The following TACC2 variants were observed in gnomAD, a reference collection of about 807,000 sequenced individuals.
TACC2 encodes the protein transforming acidic coiled-coil-containing protein 2.
TACC2 carries 137 observed loss-of-function variants against 227.3 expected under a neutral mutation model. That is an observed-to-expected ratio of 0.60 (90% confidence interval 0.52 to 0.69). The LOEUF (loss-of-function observed/expected upper bound fraction) is 0.69. Ranked by LOEUF, TACC2 falls within the 30% of genes least tolerant of loss-of-function variation. The probability of loss-of-function intolerance (pLI) is 0.00; values close to 1 mark genes in which losing one functional copy is unlikely to be tolerated. For synonymous variants in TACC2, 1,523 were observed against 1,487.5 expected (o/e 1.02, Z -0.55); for missense variants, 3,470 against 3,694.4 (o/e 0.94, Z 1.57).
At position 122,249,593 on chromosome 10, in the gene TACC2, G is replaced by A. The variant is rs1227277077; in HGVS notation, c.8710G>A (p.Ala2904Thr). Residue 2904 changes from alanine to threonine, a missense_variant, in exon 22 of 23, where the codon GCC becomes ACC. Ala to Thr is a moderately conservative substitution (Grantham distance 58). Coordinates refer to ENST00000369005, the MANE Select transcript of TACC2 (RefSeq NM_206862.4). ...QVRGKAQQEQ[A>T]AHQASLRKEQ... ...TCGAGGCAAGGCCCAGCAGGAGCAA[G>A]CCGCCCACCAGGCCAGCCTGCGGAA... is the stretch of plus-strand genomic sequence containing the variant. The A allele has an allele frequency of 4.3e-6, 7 of 1,614,154 alleles. No homozygotes were observed. In the South Asian group the frequency reaches 4.4e-5, roughly 10 times the overall value.
rs1438103579 is a variant in TACC2, at chr10:122,086,330, C to T, written c.3830C>T (p.Ala1277Val). 1.9e-6 allele frequency: 3 copies of T among 1,613,866 alleles called. No individual in the cohort carries two copies. The highest frequency in any genetic ancestry group is 1.6e-4 in the Middle Eastern group (1 of 6,062). The change falls in exon 4 of 23, where the codon GCC becomes GTC. Residue 1277 changes from alanine (A) to valine (V), a missense_variant. Around this residue, in one of 10 missense-constraint regions of TACC2, gnomAD observed 1,924 missense variants for 1,978.3 expected, o/e 0.97. Transcript: ENST00000369005. Reference protein sequence around the residue: ...SPCPVGEPPLALENAASLKLF... With the variant: ...SPCPVGEPPLVLENAASLKLF... ...TGTCCTGTAGGGGAGCCCCCACTTG[C>T]CTTGGAAAATGCTGCCTCCTTGAAG...
rs76101690 is a variant in TACC2, at chr10:122,242,102, C to T, written c.8392+101C>T. 14,143 of 1,097,344 alleles carry T rather than the reference C, an allele frequency of 0.013. 1,260 individuals are homozygous for T. In the East Asian group the frequency reaches 0.24, roughly 18 times the overall value. 68.0% of individuals were successfully genotyped at this position (1,097,344 alleles called of 1,614,324 possible). A position where few individuals can be genotyped will look rare whatever the true frequency, so the allele number is the denominator to read the frequency against. On this transcript the variant is annotated intron_variant, in intron 19 of 22. Coordinates refer to ENST00000369005, the MANE Select transcript of TACC2 (RefSeq NM_206862.4). ...GGCTCAGAGTGGGTTTCTGGTAGAG[C>T]GTGAAGCCTTTCAGGGAAGGACCAG...
At chr10:122,242,651 T>G (rs953325248) in intron 19 of TACC2, among the ~76,000 whole-genome samples, 18 of 152,228 alleles carry the variant, frequency 1.2e-4, no homozygotes, top group African/African-American at 4.3e-4. Flanking sequence ...TTCTTTTCTT[T>G]TCTTTTTTTT....
chr10:122,204,535 G>A (rs1342692792), intron 8 of TACC2, among the ~76,000 whole-genome samples: 1 of 152,166 alleles, frequency 6.6e-6, no homozygotes, highest in Non-Finnish European at 1.5e-5. Context: ...CAGCAAAGCA[G>A]GACAGAGAGG....
chr10:122,022,143 G>C, intron 2 of TACC2, 129 bp downstream of exon 2: 1 of 808,456 alleles, frequency 1.2e-6, no homozygotes, highest in Non-Finnish European at 2.1e-6. Context: ...AGATGTGTGC[G>C]GGCATTTATG....
chr10:122,224,574 T>G (rs1323565306), intron 11 of TACC2, 152 bp from the exon 12 acceptor site: 3 of 659,238 alleles, frequency 4.6e-6, no homozygotes, highest in Non-Finnish European at 8.1e-6. Context: ...CTTCAGGCTA[T>G]ATGAGAAGTC....
intron 3 of TACC2, among the ~76,000 whole-genome samples, chr10:122,055,284 G>A (rs951944280): frequency 2.6e-5 from 4 of 152,236 alleles, no homozygotes; most frequent in Non-Finnish European, 4.4e-5. Context: ...TGGGAGCGTC[G>A]TTACACGTGT....
intron 8 of TACC2, among the ~76,000 whole-genome samples, chr10:122,199,915 A>G (rs1432362675): frequency 6.6e-6 from 1 of 152,188 alleles, no homozygotes; most frequent in East Asian, 1.9e-4. Context: ...TAAGGGCACT[A>G]ATCCACTCAT....
chr10:121,994,855 C>A (rs1200038664), intron 1 of TACC2: 5 of 152,220 alleles, frequency 3.3e-5, no homozygotes, highest in Non-Finnish European at 5.9e-5. Context: ...TGCCTCTCCA[C>A]TCCTTGTTTT....
intron 17 of TACC2, 61 bp downstream of exon 17, chr10:122,237,599 G>T: frequency 6.4e-7 from 1 of 1,565,912 alleles, no homozygotes; most frequent in Non-Finnish European, 8.7e-7. Context: ...TATGCTCGTG[G>T]TCCACAAAGC....
intron 2 of TACC2, among the ~76,000 whole-genome samples, chr10:122,034,646 T>C (rs182125265): frequency 1.1e-4 from 16 of 152,146 alleles, no homozygotes; most frequent in Non-Finnish European, 2.2e-4. Flanking sequence ...AGAAAATGTT[T>C]TGGGGCCGGG....
Position 122,058,863 on chromosome 10 carries a change from C to T in TACC2, c.146+8313C>T, listed in dbSNP as rs79557231. On this transcript the variant is annotated intron_variant, in intron 3 of 22. Coordinates refer to ENST00000369005, the MANE Select transcript of TACC2 (RefSeq NM_206862.4). ...CATCTAAAGTGAGAGCTAGGCCATGCGTGAGCCACTGAGCCCAGCCCCCTC... is the reference window on the plus strand; with the variant it reads ...CATCTAAAGTGAGAGCTAGGCCATGTGTGAGCCACTGAGCCCAGCCCCCTC... Among the ~76,000 whole-genome samples the T allele has an allele frequency of 9.2e-3, 1,381 of 149,940 alleles. 22 individuals are homozygous for T. The highest frequency in any genetic ancestry group is 0.032 in the African/African-American group (1,314 of 40,992).
intron 16 of TACC2, among the ~76,000 whole-genome samples, chr10:122,231,616 A>G (rs1418531971): frequency 6.6e-6 from 1 of 152,138 alleles, no homozygotes; most frequent in Non-Finnish European, 1.5e-5. Context: ...CATTTTACAG[A>G]TGGGAGATGG....
intron 7 of TACC2, among the ~76,000 whole-genome samples, chr10:122,146,396 C>A (rs551443093): frequency 6.6e-6 from 1 of 152,168 alleles, no homozygotes; most frequent in South Asian, 2.1e-4. Flanking sequence ...AAACTTAACC[C>A]CCAATCTGGC....
At chr10:122,134,681 C>T (rs1030489897) in intron 6 of TACC2, among the ~76,000 whole-genome samples, 2 of 152,170 alleles carry the variant, frequency 1.3e-5, no homozygotes, top group African/African-American at 4.8e-5. Context: ...GACCCAGGGG[C>T]CTCTGGCTGT....
chr10:122,041,787 A>ACAGCCCCTGCTGTGGGGTTCCCC (rs1440931504), intron 2 of TACC2, among the ~76,000 whole-genome samples: 1 of 152,152 alleles, frequency 6.6e-6, no homozygotes, highest in Admixed American at 6.5e-5. Flanking sequence ...GTCTGCTCCC[A>ACAGCCCCTGCTGTGGGGTTCCCC]CAGCCCCTGC....
chr10:122,130,308 CT>C (rs1342285676), intron 5 of TACC2, among the ~76,000 whole-genome samples: 3 of 152,010 alleles, frequency 2.0e-5, no homozygotes, highest in Non-Finnish European at 4.4e-5. Flanking sequence ...ACTCCCCCTT[CT>C]TCATCTGTAC....
chr10:122,156,056 C>A (rs1229666456), intron 7 of TACC2, among the ~76,000 whole-genome samples: 8 of 151,242 alleles, frequency 5.3e-5, no homozygotes, highest in Non-Finnish European at 1.2e-4. Context: ...CCAGGATGGT[C>A]TTGATCTCCT....
intron 5 of TACC2, among the ~76,000 whole-genome samples, chr10:122,105,607 G>T (rs2082666415): frequency 6.6e-6 from 1 of 150,382 alleles, no homozygotes; most frequent in Non-Finnish European, 1.5e-5. Context: ...TTTCCACGTA[G>T]CGTCCTGTCT....
Sources: allele counts gnomAD v4.1 joint callset (sites outside exome capture counted in the v4.1 genomes callset), GRCh38; gene constraint gnomAD v4.1.1; regional missense constraint gnomAD v4.1.1; transcripts MANE v1.5; gene names NCBI Gene and HGNC (gene_info 2026-07-23, HGNC 2026-07-21).